The following SYCP1 variants were observed in gnomAD, a reference collection of about 807,000 sequenced individuals.
The protein encoded by SYCP1 is cancer/testis antigen 8.
SYCP1 carries 64 observed loss-of-function variants against 153.1 expected under a neutral mutation model. The observed-to-expected ratio is 0.42, with a 90% CI of 0.34 to 0.51. SYCP1 has a LOEUF of 0.51. Ranked by LOEUF, SYCP1 falls within the 20% of genes least tolerant of loss-of-function variation. The pLI, the probability that SYCP1 is intolerant of heterozygous loss-of-function variation, is 0.06. For synonymous variants in SYCP1, 384 were observed against 341.8 expected (o/e 1.12, Z -1.36); for missense variants, 997 against 1,049.0 (o/e 0.95, Z 0.68).
At chr1:114,930,245 T>C (rs190960175) in intron 23 of SYCP1, among the ~76,000 whole-genome samples, 1 of 152,004 alleles carries the variant, frequency 6.6e-6, no homozygotes, top group African/African-American at 2.4e-5. Context: ...AAAGAAGAAG[T>C]GATCTAGGTT....
intron 15 of SYCP1, among the ~76,000 whole-genome samples, chr1:114,889,753 T>C (rs1458287985): frequency 6.6e-6 from 1 of 152,196 alleles, no homozygotes; most frequent in Non-Finnish European, 1.5e-5. Flanking sequence ...TTGCTTTTGG[T>C]GTTTTAGTTA....
intron 29 of SYCP1, 30 bp from the exon 30 acceptor site, chr1:114,984,695 G>C (rs778596355): frequency 7.6e-7 from 1 of 1,317,130 alleles, no homozygotes; most frequent in Non-Finnish European, 9.8e-7. Flanking sequence ...TATTTGATAT[G>C]ATAATGTATG....
At chr1:114,885,437 T>C (rs1490757998) in intron 12 of SYCP1, 98 bp from the exon 13 acceptor site, 28 of 664,778 alleles carry the variant, frequency 4.2e-5, no homozygotes, top group South Asian at 4.2e-4. Context: ...TGGACTATTA[T>C]CTAACGGAGG....
In SYCP1 at chr1:114,977,584, A is replaced by G. The variant is rs777654076; in HGVS notation, c.2350A>G (p.Asn784Asp). The G allele has an allele frequency of 6.6e-7, 1 of 1,509,304 alleles. No homozygotes were observed. Among genetic ancestry groups the G allele is most frequent in the South Asian group, 1.3e-5 (1 of 76,776 alleles). The allele number at this position is 1,509,304 out of a possible 1,614,324, so 93.5% of individuals were successfully genotyped here. Residue 784 changes from asparagine (N) to aspartate (D), a missense_variant, in exon 28 of 32, where the codon AAC becomes GAC. Physicochemically the swap from Asn to Asp is conservative, Grantham distance 23. Coordinates refer to ENST00000369522, the MANE Select transcript of SYCP1 (RefSeq NM_003176.4). ...AAAACTCAAAAGAGAGGCAAAAGAA[A>G]ACACAGCTACTCTTAAAGAAAAAAA... ...KEKLKREAKE[N>D]TATLKEKKDK... is the part of the protein sequence containing the mutation.
chr1:114,886,872 GT>G (rs1666346403), intron 14 of SYCP1, among the ~76,000 whole-genome samples: 1 of 151,832 alleles, frequency 6.6e-6, no homozygotes, highest in Admixed American at 6.6e-5. Context: ...CTAAATAGCA[GT>G]TTTTCTAATG....
chr1:114,922,672 G>C (rs997214268), intron 20 of SYCP1, among the ~76,000 whole-genome samples: 5 of 151,912 alleles, frequency 3.3e-5, no homozygotes, highest in African/African-American at 1.2e-4. Context: ...ATTTGGGTGA[G>C]AGCAAATATC....
chr1:114,932,010 G>T (rs1669665457), intron 23 of SYCP1, among the ~76,000 whole-genome samples: 1 of 151,892 alleles, frequency 6.6e-6, no homozygotes, highest in Non-Finnish European at 1.5e-5. Flanking sequence ...TATTCATATG[G>T]GAAAGAAAAA....
intron 16 of SYCP1, among the ~76,000 whole-genome samples, chr1:114,896,637 G>T (rs1332416206): frequency 6.6e-6 from 1 of 152,216 alleles, no homozygotes; most frequent in Non-Finnish European, 1.5e-5. Context: ...TTCAATAAGG[G>T]TTAGGAGCCT....
At chr1:114,967,725 T>G (rs927529727) in intron 27 of SYCP1, among the ~76,000 whole-genome samples, 8 of 152,230 alleles carry the variant, frequency 5.3e-5, no homozygotes, top group African/African-American at 1.9e-4. Context: ...CCTGTCATTA[T>G]GATGCTAGCT....
In SYCP1 at chr1:114,913,029, A is replaced by T. The variant is rs1251123111; in HGVS notation, c.1530-4A>T. On this transcript the variant is annotated splice_polypyrimidine_tract_variant and splice_region_variant and intron_variant, in intron 18 of 31. Transcript: ENST00000369522. The stretch of plus-strand genomic sequence containing the variant: ...TTGGTATGACTTTTTTTTTTAAAAA[A>T]TAGGCTTAAGAATACTGAATTAACT... The T allele has an allele frequency of 2.5e-5, 40 of 1,579,342 alleles. No individual in the cohort carries two copies. Among genetic ancestry groups the T allele is most frequent in the Non-Finnish European group, 3.3e-5 (38 of 1,167,072 alleles).
intron 30 of SYCP1, among the ~76,000 whole-genome samples, chr1:114,989,295 A>G (rs1200206360): frequency 6.6e-6 from 1 of 152,042 alleles, no homozygotes; most frequent in African/African-American, 2.4e-5. Context: ...TTGTTATAGC[A>G]TTAGGAAGTT....
chr1:114,898,112 G>A (rs1265045558), intron 16 of SYCP1, among the ~76,000 whole-genome samples: 1 of 152,134 alleles, frequency 6.6e-6, no homozygotes, highest in Non-Finnish European at 1.5e-5. Context: ...TTCCCTTATT[G>A]TCAGCCTCTG....
At chr1:114,926,617 T>C in intron 23 of SYCP1, 54 bp downstream of exon 23, 1 of 1,412,984 alleles carries the variant, frequency 7.1e-7, no homozygotes, top group South Asian at 1.3e-5. Flanking sequence ...GATGAGAATT[T>C]AGACATTTTA....
At chr1:114,973,539 T>C (rs577089962) in intron 27 of SYCP1, among the ~76,000 whole-genome samples, 1 of 152,158 alleles carries the variant, frequency 6.6e-6, no homozygotes, top group Non-Finnish European at 1.5e-5. Flanking sequence ...CAAGTAGTAA[T>C]AGGGTGAGGA....
chr1:114,971,522 T>C (rs1249177866), intron 27 of SYCP1, among the ~76,000 whole-genome samples: 1 of 152,162 alleles, frequency 6.6e-6, no homozygotes, highest in Non-Finnish European at 1.5e-5. Flanking sequence ...GAGATCTTGC[T>C]CCAGCAGCTT....
chr1:114,915,350 G>A (rs1212000561), intron 20 of SYCP1, among the ~76,000 whole-genome samples: 1 of 152,198 alleles, frequency 6.6e-6, no homozygotes, highest in Non-Finnish European at 1.5e-5. Flanking sequence ...CTTCTGTACT[G>A]ATAAGATACA....
intron 15 of SYCP1, among the ~76,000 whole-genome samples, chr1:114,889,002 A>C (rs533551791): frequency 2.0e-5 from 3 of 152,256 alleles, no homozygotes; most frequent in African/African-American, 7.2e-5. Flanking sequence ...GATGGTTTCC[A>C]GCTTCATCCA....
intron 23 of SYCP1, among the ~76,000 whole-genome samples, chr1:114,926,947 G>C (rs1412092220): frequency 6.6e-6 from 1 of 152,076 alleles, no homozygotes; most frequent in Non-Finnish European, 1.5e-5. Flanking sequence ...GAAAGGGATT[G>C]AAAACCATTT....
intron 12 of SYCP1, among the ~76,000 whole-genome samples, chr1:114,881,501 A>ATCCTTCCTTCCT (rs71093615): frequency 0.064 from 6,601 of 102,688 alleles, 275 homozygotes; most frequent in African/African-American, 0.091. Context: ...GGAAGGTATT[A>ATCCTTCCTTCCT]TCCTTCCTTC....
Sources: allele counts gnomAD v4.1 joint callset (sites outside exome capture counted in the v4.1 genomes callset), GRCh38; gene constraint gnomAD v4.1.1; transcripts MANE v1.5; gene names NCBI Gene and HGNC (gene_info 2026-07-23, HGNC 2026-07-21).